The following ESR2 variants were observed in gnomAD, a reference collection of about 807,000 sequenced individuals.
ESR2 encodes the protein estrogen receptor 2.
A neutral mutation model predicts 49.6 loss-of-function variants in ESR2; 36 were observed. That is an observed-to-expected ratio of 0.73 (90% CI 0.56 to 0.96). The LOEUF (loss-of-function observed/expected upper bound fraction) is 0.96. Ranked by LOEUF, ESR2 falls within the 40% of genes least tolerant of loss-of-function variation. The pLI is 0.00. For synonymous variants in ESR2, 320 were observed against 266.1 expected (o/e 1.20, Z -1.97); for missense variants, 714 against 693.0 (o/e 1.03, Z -0.34).
chr14:64,279,830 C>A, intron 3 of ESR2, 151 bp downstream of exon 3: 1 of 698,060 alleles, frequency 1.4e-6, no homozygotes. Context: ...CCACCCAACC[C>A]ACTTCCAAAC....
intron 1 of ESR2, chr14:64,301,436 C>G (rs2077019851): frequency 6.6e-6 from 1 of 152,264 alleles, no homozygotes; most frequent in Admixed American, 6.5e-5. Context: ...ATGGGCCCAG[C>G]CTTGAATCCT....
At chr14:64,289,980 G>C (rs141317475) in intron 1 of ESR2, among the ~76,000 whole-genome samples, 21 of 152,294 alleles carry the variant, frequency 1.4e-4, no homozygotes, top group African/African-American at 4.8e-4. Context: ...TCACAAAGCA[G>C]CAACTAGAAG....
intron 3 of ESR2, among the ~76,000 whole-genome samples, chr14:64,279,675 C>T (rs1475935610): frequency 6.6e-6 from 1 of 152,228 alleles, no homozygotes; most frequent in Non-Finnish European, 1.5e-5. Context: ...TCCTTGTGAG[C>T]ACATTTTTTC....
At chr14:64,317,049 G>A (rs1181556954) in intron 1 of ESR2, among the ~76,000 whole-genome samples, 1 of 152,074 alleles carries the variant, frequency 6.6e-6, no homozygotes, top group Non-Finnish European at 1.5e-5. Flanking sequence ...CTGATCACTT[G>A]AGGTCAGGAG....
chr14:64,257,411 G>A (rs1296904770), intron 5 of ESR2, 47 bp from the exon 6 acceptor site: 1 of 1,608,444 alleles, frequency 6.2e-7, no homozygotes, highest in Admixed American at 1.7e-5. Flanking sequence ...CTCCTCCTCA[G>A]CTCCCTGTGT....
intron 1 of ESR2, among the ~76,000 whole-genome samples, chr14:64,305,075 G>A (rs1303407814): frequency 1.3e-5 from 2 of 151,974 alleles, no homozygotes; most frequent in East Asian, 3.9e-4. Flanking sequence ...TGGATCACAA[G>A]GTCAGGAGAT....
chr14:64,327,627 C>T (rs1260867069), intron 1 of ESR2, among the ~76,000 whole-genome samples: 1 of 152,108 alleles, frequency 6.6e-6, no homozygotes, highest in Admixed American at 6.6e-5. Context: ...ACCCAGGAGG[C>T]GGAGGTTGCA....
At chr14:64,331,815 TC>T (rs1348908828) in intron 1 of ESR2, among the ~76,000 whole-genome samples, 1 of 108,494 alleles carries the variant, frequency 9.2e-6, no homozygotes, top group East Asian at 2.6e-4. Flanking sequence ...AGAGTGAGAC[TC>T]CATCTCAAAA....
At chr14:64,269,304 G>A (rs753794578) in intron 3 of ESR2, among the ~76,000 whole-genome samples, 1 of 151,976 alleles carries the variant, frequency 6.6e-6, no homozygotes. Flanking sequence ...TCCCTCTTTC[G>A]GGTTTAATAC....
At chr14:64,251,034 C>A (rs757827308) in intron 6 of ESR2, among the ~76,000 whole-genome samples, 10 of 152,166 alleles carry the variant, frequency 6.6e-5, no homozygotes, top group Admixed American at 6.5e-5. Flanking sequence ...CTGGAAGTCA[C>A]TCATAGGAAA....
chr14:64,277,462 A>G (rs1385724108), intron 3 of ESR2, among the ~76,000 whole-genome samples: 1 of 151,898 alleles, frequency 6.6e-6, no homozygotes, highest in East Asian at 1.9e-4. Context: ...TGTCTCTACT[A>G]AAAATACAAA....
At chr14:64,309,606 T>TAAAAAAAAAAAAA (rs2077158984) in intron 1 of ESR2, among the ~76,000 whole-genome samples, 1 of 43,794 alleles carries the variant, frequency 2.3e-5, no homozygotes, top group African/African-American at 3.0e-4. Flanking sequence ...AAACTCCATC[T>TAAAAAAAAAAAAA]CAAAAAAAAA....
At chr14:64,268,303 T>C (rs1199731226) in intron 4 of ESR2, among the ~76,000 whole-genome samples, 1 of 152,240 alleles carries the variant, frequency 6.6e-6, no homozygotes, top group East Asian at 1.9e-4. Flanking sequence ...GACTCCTACA[T>C]ATTTTTCTAC....
intron 6 of ESR2, among the ~76,000 whole-genome samples, chr14:64,251,307 CAAAA>C (rs11297817): frequency 8.0e-6 from 1 of 124,422 alleles, no homozygotes. Context: ...CTCTATGGGG[CAAAA>C]AAAAAAAAAA....
In ESR2 at chr14:64,249,564, T is replaced by TGA. The variant is rs746812518; in HGVS notation, c.1206_1207insTC (p.Met403SerfsTer2). The TGA allele has an allele frequency of 6.2e-7, 1 of 1,614,004 alleles. No homozygotes were observed. ...TACTTACTGGAATTGAGCAGGATCA[T>TGA]GGCCTTGACACAGAGATATTCTTTG... On this transcript the variant is annotated frameshift_variant, in exon 7 of 9. Transcript: ENST00000341099. LOFTEE classifies it high-confidence loss of function.
chr14:64,331,247 CAA>C (rs1464498441), intron 1 of ESR2, among the ~76,000 whole-genome samples: 1 of 151,912 alleles, frequency 6.6e-6, no homozygotes, highest in African/African-American at 2.4e-5. Context: ...GACTATAGGG[CAA>C]AAAGTATTAC....
intron 4 of ESR2, among the ~76,000 whole-genome samples, chr14:64,267,307 C>G (rs2076352247): frequency 6.6e-6 from 1 of 152,142 alleles, no homozygotes; most frequent in Non-Finnish European, 1.5e-5. Flanking sequence ...AAGAAGCCCA[C>G]CGGTTTCTGA....
rs1229678443 is a variant in ESR2, at chr14:64,282,713, G to C, written c.273C>G (p.Val91=). 3 of 1,614,180 alleles carry C rather than the reference G, an allele frequency of 1.9e-6. No homozygotes were observed. The highest frequency in any genetic ancestry group is 4.5e-5 in the East Asian group (2 of 44,882). ...PTPGHLSPLV[V]HRQLSHLYAE... is the part of the protein sequence containing the mutation. The stretch of plus-strand genomic sequence containing the variant: ...CATACAGATGTGATAACTGGCGATG[G>C]ACCACTAAAGGAGAAAGGTGCCCAG... The change falls in exon 2 of 9, where the codon GTC becomes GTG. Residue 91 remains valine (V), a synonymous_variant. Coordinates refer to ENST00000341099, the MANE Select transcript of ESR2 (RefSeq NM_001437.3).
At chr14:64,248,419 G>C in intron 7 of ESR2, among the ~76,000 whole-genome samples, 1 of 148,608 alleles carries the variant, frequency 6.7e-6, no homozygotes, top group South Asian at 2.1e-4. Flanking sequence ...CAAGGTGGGA[G>C]GATCACTTGA....
Sources: allele counts gnomAD v4.1 joint callset (sites outside exome capture counted in the v4.1 genomes callset), GRCh38; gene constraint gnomAD v4.1.1; transcripts MANE v1.5; gene names NCBI Gene and HGNC (gene_info 2026-07-23, HGNC 2026-07-21).